The following CEP128 variants were observed in gnomAD, a reference collection of about 807,000 sequenced individuals.
CEP128 encodes the protein centrosomal protein 128kDa.
In CEP128, 132 loss-of-function variants were observed where a neutral mutation model predicts 156.7. The observed-to-expected ratio is 0.84, with a 90% CI of 0.73 to 0.97. The LOEUF (loss-of-function observed/expected upper bound fraction) is 0.97. Ranked by LOEUF, CEP128 falls within the 50% of genes least tolerant of loss-of-function variation. CEP128 has a pLI of 0.00. For missense variants in CEP128, 1,252 were observed against 1,281.9 expected (o/e 0.98, Z 0.36); for synonymous variants, 469 against 448.9 (o/e 1.04, Z -0.57).
chr14:80,555,173 C>T (rs911358693), intron 21 of CEP128, among the ~76,000 whole-genome samples: 3 of 151,984 alleles, frequency 2.0e-5, no homozygotes, highest in Non-Finnish European at 2.9e-5. Context: ...TCCTATGAAC[C>T]GACAGGGGAA....
chr14:80,815,653 T>C (rs943361859), intron 13 of CEP128, among the ~76,000 whole-genome samples: 1 of 152,152 alleles, frequency 6.6e-6, no homozygotes, highest in Non-Finnish European at 1.5e-5. Context: ...ATGGCAAAGA[T>C]AAGGAATCAG....
At chr14:80,894,502 A>C in intron 8 of CEP128, 1 of 414,412 alleles carries the variant, frequency 2.4e-6, no homozygotes. Flanking sequence ...GGTACAATGT[A>C]AATTGAAGGT....
chr14:80,697,477 T>G (rs1472570042), intron 19 of CEP128, among the ~76,000 whole-genome samples: 1 of 152,110 alleles, frequency 6.6e-6, no homozygotes, highest in African/African-American at 2.4e-5. Context: ...GTTGCCTGCT[T>G]TTCATTATTT....
rs1899701000 is a variant in CEP128, at chr14:80,757,006, T to C, written c.2554-55A>G. ...TACATTTTTCTCTGACATAAACATA[T>C]ATAAATGAAATTCTTCACCACAGTA... On this transcript the variant is annotated intron_variant, in intron 17 of 24. Coordinates refer to ENST00000555265, the MANE Select transcript of CEP128 (RefSeq NM_152446.5). 12 of 1,174,126 alleles carry C rather than the reference T, an allele frequency of 1.0e-5. No individual in the cohort carries two copies. In the Admixed American group the frequency reaches 2.1e-4, roughly 21 times the overall value. The allele number at this position is 1,174,126 out of a possible 1,614,324, so 72.7% of individuals were successfully genotyped here.
intron 24 of CEP128, among the ~76,000 whole-genome samples, chr14:80,498,454 C>A (rs1316874791): frequency 6.6e-6 from 1 of 152,204 alleles, no homozygotes; most frequent in East Asian, 1.9e-4. Flanking sequence ...GAATAAAATC[C>A]ACACATCTGA....
exon 7 of CEP128, chr14:80,490,606 T>C (rs765633451): frequency 6.6e-6 from 1 of 152,356 alleles, no homozygotes; most frequent in Middle Eastern, 3.4e-3. Flanking sequence ...AGTCCTGGCA[T>C]AGTCTGTTAG....
At chr14:80,554,097 T>C (rs1890328855) in intron 21 of CEP128, among the ~76,000 whole-genome samples, 1 of 152,200 alleles carries the variant, frequency 6.6e-6, no homozygotes. Context: ...ATGCTTCTTA[T>C]TCATTTATGG....
At chr14:80,801,843 G>T (rs1487327860) in intron 13 of CEP128, among the ~76,000 whole-genome samples, 2 of 144,178 alleles carry the variant, frequency 1.4e-5, no homozygotes, top group Non-Finnish European at 3.0e-5. Flanking sequence ...AGGAGGCGGA[G>T]GTTGCAGTAA....
chr14:80,760,969 C>T (rs1025264284), intron 17 of CEP128, among the ~76,000 whole-genome samples: 8 of 152,032 alleles, frequency 5.3e-5, no homozygotes, highest in Non-Finnish European at 1.0e-4. Flanking sequence ...TTACTTAAAC[C>T]GTCTAAACCT....
intron 19 of CEP128, among the ~76,000 whole-genome samples, chr14:80,725,808 G>A (rs1432099510): frequency 6.6e-6 from 1 of 152,128 alleles, no homozygotes; most frequent in African/African-American, 2.4e-5. Flanking sequence ...AATTTATATG[G>A]AATAATCAGG....
At chr14:80,534,356 G>T (rs1429686260) in intron 21 of CEP128, among the ~76,000 whole-genome samples, 6 of 152,178 alleles carry the variant, frequency 3.9e-5, no homozygotes, top group African/African-American at 1.4e-4. Flanking sequence ...CAGATGAATA[G>T]TTTAAAATAA....
chr14:80,918,615 C>T (rs534537815), intron 2 of CEP128, among the ~76,000 whole-genome samples: 1 of 152,210 alleles, frequency 6.6e-6, no homozygotes, highest in Admixed American at 6.5e-5. Context: ...ACACTATGTT[C>T]TTCCCACTGT....
At chr14:80,659,246 A>G (rs965000675) in intron 19 of CEP128, among the ~76,000 whole-genome samples, 1 of 152,174 alleles carries the variant, frequency 6.6e-6, no homozygotes, top group Admixed American at 6.5e-5. Flanking sequence ...AGATTTGGTA[A>G]TAATTTTTTC....
chr14:80,799,968 G>T (rs961542763), intron 13 of CEP128, among the ~76,000 whole-genome samples: 1 of 152,124 alleles, frequency 6.6e-6, no homozygotes, highest in African/African-American at 2.4e-5. Flanking sequence ...TCTCTCAGAA[G>T]CATGTGATCT....
chr14:80,908,002 T>G (rs1883987673), intron 4 of CEP128, among the ~76,000 whole-genome samples: 1 of 152,228 alleles, frequency 6.6e-6, no homozygotes, highest in African/African-American at 2.4e-5. Context: ...TTTCCATCTT[T>G]CAAGCTAAAC....
intron 16 of CEP128, among the ~76,000 whole-genome samples, chr14:80,776,538 T>A (rs1010699740): frequency 2.0e-5 from 3 of 147,914 alleles, no homozygotes; most frequent in African/African-American, 7.3e-5. Context: ...TAATATATAT[T>A]AATTATATAT....
intron 19 of CEP128, among the ~76,000 whole-genome samples, chr14:80,657,118 C>T (rs1895205484): frequency 1.3e-5 from 2 of 152,014 alleles, no homozygotes; most frequent in South Asian, 4.2e-4. Flanking sequence ...ATTAGCCATG[C>T]ATGGTGGTGG....
chr14:80,727,342 G>A (rs897553455), intron 19 of CEP128, among the ~76,000 whole-genome samples: 1 of 152,002 alleles, frequency 6.6e-6, no homozygotes, highest in Non-Finnish European at 1.5e-5. Flanking sequence ...GAAGCCTCAG[G>A]GGAAGCTTAG....
intron 8 of CEP128, among the ~76,000 whole-genome samples, chr14:80,868,928 T>C (rs369667828): frequency 4.0e-5 from 6 of 151,700 alleles, no homozygotes; most frequent in Non-Finnish European, 8.8e-5. Context: ...TATAAAGGAG[T>C]CAATTCATCA....
Sources: gnomAD v4.1 joint callset for allele counts (sites outside exome capture counted in the v4.1 genomes callset) on GRCh38, gnomAD v4.1.1 for gene constraint, MANE v1.5 for transcripts, NCBI Gene and HGNC (gene_info 2026-07-23, HGNC 2026-07-21) for gene names.